The following C5orf34 variants were observed in gnomAD, a reference collection of about 807,000 sequenced individuals.
C5orf34 encodes chromosome 5 open reading frame 34, also known as uncharacterized protein C5orf34.
A neutral mutation model predicts 78.4 loss-of-function variants in C5orf34; 73 were observed. The observed-to-expected ratio is 0.93, with a 90% confidence interval of 0.77 to 1.13. The LOEUF (loss-of-function observed/expected upper bound fraction) is 1.13, where lower values mean the gene tolerates loss of function less well. C5orf34 is among the 50% of genes most tolerant of loss of function. C5orf34 has a pLI of 0.00. For missense variants in C5orf34, 730 were observed against 732.7 expected, an observed-to-expected ratio of 1.00 and a Z score of 0.04; for synonymous variants, 251 against 246.6, an observed-to-expected ratio of 1.02 and a Z score of -0.17.
At position 43,495,633 on chromosome 5, in the gene C5orf34, C is replaced by T. The variant is rs776594535; in HGVS notation, c.1153-1032G>A. 3.7e-5 allele frequency: 59 copies of T among 1,601,418 alleles called. 2 individuals carry two copies. In the South Asian group the frequency reaches 6.2e-4, roughly 17 times the overall value. On this transcript the variant is annotated intron_variant, in intron 6 of 12. Coordinates refer to ENST00000306862, the MANE Select transcript of C5orf34 (RefSeq NM_198566.4). ...TTGACTGGAGCAAAGGTGACCACCA[C>T]ACCAGGTTTGAGAACACCAGTCTCC...
chr5:43,495,125 G>A (rs1233468605), intron 6 of C5orf34: 8 of 1,592,864 alleles, frequency 5.0e-6, no homozygotes, highest in Non-Finnish European at 6.0e-6. Context: ...GCCACCTCCA[G>A]CAGCCTTCTT....
At chr5:43,511,536 A>G (rs1490483526) in intron 1 of C5orf34, among the ~76,000 whole-genome samples, 1 of 152,236 alleles carries the variant, frequency 6.6e-6, no homozygotes, top group Non-Finnish European at 1.5e-5. Flanking sequence ...GGTGTACCCA[A>G]CAGCTCATTA....
At chr5:43,513,052 G>A (rs916341680) in intron 1 of C5orf34, among the ~76,000 whole-genome samples, 1 of 151,184 alleles carries the variant, frequency 6.6e-6, no homozygotes, top group Non-Finnish European at 1.5e-5. Flanking sequence ...AAAGTGCTGG[G>A]ATTACAGGCG....
intron 6 of C5orf34, 33 bp downstream of exon 6, chr5:43,502,339 A>T (rs1226484798): frequency 1.2e-6 from 2 of 1,608,136 alleles, no homozygotes; most frequent in East Asian, 2.2e-5. Flanking sequence ...ATACAGCAAA[A>T]CTCTTCTTGA....
At chr5:43,514,369 C>T (rs532591368) in intron 1 of C5orf34, 1 of 152,194 alleles carries the variant, frequency 6.6e-6, no homozygotes, top group South Asian at 2.1e-4. Flanking sequence ...TAAACACACA[C>T]GTATATATCG....
chr5:43,503,228 A>G (rs1390373888), intron 5 of C5orf34, among the ~76,000 whole-genome samples: 1 of 152,218 alleles, frequency 6.6e-6, no homozygotes, highest in Non-Finnish European at 1.5e-5. Context: ...GTGCTGGCAC[A>G]GAGTGGCCAC....
chr5:43,486,734 G>A lies in C5orf34; in HGVS notation c.*181C>T, dbSNP rs1745085565. 1 of 361,992 alleles carries A rather than the reference G, an allele frequency of 2.8e-6. No individual in the cohort carries two copies. Among genetic ancestry groups the A allele is most frequent in the Admixed American group, 4.6e-5 (1 of 21,730 alleles). The allele number at this position is 361,992 out of a possible 1,614,324, so 22.4% of individuals were successfully genotyped here. ...AAAACTTCGAAATATTTATTATTAA[G>A]ATATAAATACATATTTTAAAAATGT... On this transcript the variant is annotated 3_prime_UTR_variant, in exon 13 of 13. Coordinates refer to ENST00000306862, the MANE Select transcript of C5orf34 (RefSeq NM_198566.4).
intron 6 of C5orf34, chr5:43,496,572 GTTT>G: frequency 4.8e-6 from 3 of 628,824 alleles, no homozygotes; most frequent in Non-Finnish European, 7.0e-6. Context: ...TCATTCAAAA[GTTT>G]TTTTTAATTT....
At chr5:43,498,136 A>G (rs968841968) in intron 6 of C5orf34, among the ~76,000 whole-genome samples, 2 of 152,202 alleles carry the variant, frequency 1.3e-5, no homozygotes, top group African/African-American at 4.8e-5. Flanking sequence ...TTTCCCTGTT[A>G]GAATGCAGCT....
chr5:43,487,838 T>C (rs1745126063), intron 12 of C5orf34, 71 bp downstream of exon 12: 1 of 1,141,158 alleles, frequency 8.8e-7, no homozygotes, highest in East Asian at 2.4e-5. Flanking sequence ...CACAAAGTAC[T>C]GAAGTCATGA....
chr5:43,490,513 C>A, intron 11 of C5orf34, 118 bp downstream of exon 11: 1 of 635,048 alleles, frequency 1.6e-6, no homozygotes, highest in Non-Finnish European at 2.8e-6. Context: ...AGGAGTTAAA[C>A]ATATTCAAAA....
intron 4 of C5orf34, 96 bp downstream of exon 4, chr5:43,505,652 C>T (rs1405595787): frequency 1.5e-6 from 2 of 1,332,922 alleles, no homozygotes; most frequent in Non-Finnish European, 2.0e-6. Flanking sequence ...ATGAGATAAA[C>T]TTTCCTTGTG....
At chr5:43,513,457 G>A (rs1174710254) in intron 1 of C5orf34, among the ~76,000 whole-genome samples, 3 of 152,146 alleles carry the variant, frequency 2.0e-5, no homozygotes, top group African/African-American at 7.2e-5. Flanking sequence ...TGCCCAGAGG[G>A]ATCTTTTAAA....
chr5:43,507,373 C>T (rs1425576380), intron 3 of C5orf34, among the ~76,000 whole-genome samples: 2 of 152,124 alleles, frequency 1.3e-5, no homozygotes, highest in Non-Finnish European at 2.9e-5. Context: ...TCTATATGTA[C>T]GATGTTAGGA....
At position 43,502,418 on chromosome 5, in the gene C5orf34, A is replaced by G; in HGVS notation, c.1106T>C (p.Phe369Ser). 6.2e-7 allele frequency: 1 copy of G among 1,609,882 alleles called. No homozygotes were observed. Among genetic ancestry groups the G allele is most frequent in the Non-Finnish European group, 8.5e-7 (1 of 1,177,038 alleles). The change falls in exon 6 of 13, where the codon TTT becomes TCT. Residue 369 changes from phenylalanine (F) to serine (S), a missense_variant. By Grantham distance (155) the Phe-to-Ser change is radical. Coordinates refer to ENST00000306862, the MANE Select transcript of C5orf34 (RefSeq NM_198566.4). ...GSVFKSEGAY[F>S]GNYFTYYSIQ... The stretch of plus-strand genomic sequence containing the variant: ...AGAATAATAAGTAAAATAGTTCCCA[A>G]AATAAGCCCCTTCTGATTTGAAAAC...
intron 1 of C5orf34, among the ~76,000 whole-genome samples, chr5:43,513,687 G>A (rs1746367862): frequency 1.3e-5 from 2 of 152,168 alleles, no homozygotes; most frequent in Admixed American, 6.5e-5. Context: ...CATCTTTGCA[G>A]TTCTTTCTGC....
intron 1 of C5orf34, among the ~76,000 whole-genome samples, chr5:43,511,641 T>G (rs557546552): frequency 1.3e-3 from 197 of 152,328 alleles, no homozygotes; most frequent in African/African-American, 4.6e-3. Context: ...TGTGTCCGTG[T>G]AGAAAGAAGT....
rs374871581 is a variant in C5orf34 at position 43,509,323 on chromosome 5, C to T, written c.17G>A (p.Arg6Gln). The T allele has an allele frequency of 2.5e-5, 41 of 1,608,464 alleles. No homozygotes were observed. In the Middle Eastern group the frequency reaches 4.9e-4, roughly 19 times the overall value. Residue 6 changes from arginine (R) to glutamine (Q), a missense_variant, in exon 2 of 13, where the codon CGA becomes CAA. Coordinates refer to ENST00000306862, the MANE Select transcript of C5orf34 (RefSeq NM_198566.4). Reference sequence around the variant, plus strand: ...TGAATCATCTTCATAAAGTATCATTCGCAGTTCAGCTGCCATTACAACGGC... The same window carrying T: ...TGAATCATCTTCATAAAGTATCATTTGCAGTTCAGCTGCCATTACAACGGC... MAAELRMILYEDDSVQ... is the reference protein window; with the variant it reads MAAELQMILYEDDSVQ...
chr5:43,488,708 G>C (rs1047326670), intron 11 of C5orf34, among the ~76,000 whole-genome samples: 1 of 152,088 alleles, frequency 6.6e-6, no homozygotes, highest in Non-Finnish European at 1.5e-5. Flanking sequence ...GTATGGAGTA[G>C]AGGGCTAATA....
Sources: gnomAD v4.1 joint callset for allele counts (sites outside exome capture counted in the v4.1 genomes callset) on GRCh38, gnomAD v4.1.1 for gene constraint, MANE v1.5 for transcripts, NCBI Gene and HGNC (gene_info 2026-07-23, HGNC 2026-07-21) for gene names.